Variants in NOL4 observed in about 807,000 individuals in gnomAD.
NOL4 encodes the protein cancer/testis antigen 125.
In NOL4, 17 loss-of-function variants were observed where a neutral mutation model predicts 75.9. That is an observed-to-expected ratio of 0.22 (90% CI 0.15 to 0.34). The LOEUF is 0.34. NOL4 is among the 10% of genes least tolerant of loss of function. The pLI is 1.00. For synonymous variants in NOL4, 292 were observed against 289.9 expected, an observed-to-expected ratio of 1.01 and a Z score of -0.07; for missense variants, 614 against 793.5, an observed-to-expected ratio of 0.77 and a Z score of 2.72.
chr18:34,109,166 A>T (rs988975382), intron 2 of NOL4, among the ~76,000 whole-genome samples: 1 of 152,106 alleles, frequency 6.6e-6, no homozygotes, highest in African/African-American at 2.4e-5. Context: ...AAACTTATGA[A>T]ATACGGCAAA....
At chr18:34,205,443 G>T (rs558912866) in intron 1 of NOL4, among the ~76,000 whole-genome samples, 2 of 152,154 alleles carry the variant, frequency 1.3e-5, no homozygotes, top group African/African-American at 4.8e-5. Flanking sequence ...TCAGCGGGTG[G>T]CATGTATTTT....
chr18:34,000,174 C>T (rs536548851), intron 6 of NOL4, among the ~76,000 whole-genome samples: 31 of 152,232 alleles, frequency 2.0e-4, no homozygotes, highest in Admixed American at 6.5e-4. Flanking sequence ...TCCAATCATT[C>T]GGCATTTATC....
chr18:33,913,137 C>T (rs1480468615), intron 9 of NOL4, among the ~76,000 whole-genome samples: 2 of 152,120 alleles, frequency 1.3e-5, no homozygotes, highest in Non-Finnish European at 2.9e-5. Context: ...AAATACCAGC[C>T]TGTAATGAAA....
chr18:34,199,253 C>G (rs1201795809), intron 1 of NOL4, among the ~76,000 whole-genome samples: 1 of 147,662 alleles, frequency 6.8e-6, no homozygotes, highest in Non-Finnish European at 1.5e-5. Flanking sequence ...TTAGTTCAAA[C>G]TTCATACCTT....
intron 5 of NOL4, among the ~76,000 whole-genome samples, chr18:34,083,116 A>G (rs1275570668): frequency 6.6e-6 from 1 of 152,224 alleles, no homozygotes; most frequent in Non-Finnish European, 1.5e-5. Flanking sequence ...ATATATACAC[A>G]TACCCATACA....
intron 5 of NOL4, among the ~76,000 whole-genome samples, chr18:34,061,625 C>T (rs1034781452): frequency 3.3e-5 from 5 of 152,058 alleles, no homozygotes; most frequent in Non-Finnish European, 5.9e-5. Flanking sequence ...TCAGGAAGGA[C>T]GACCTTGTTG....
chr18:33,862,333 G>A (rs564722307), intron 10 of NOL4, among the ~76,000 whole-genome samples: 1 of 152,190 alleles, frequency 6.6e-6, no homozygotes, highest in Non-Finnish European at 1.5e-5. Flanking sequence ...GAAAACACAG[G>A]CATTACCATT....
chr18:34,007,195 T>C (rs2074084284), intron 6 of NOL4, among the ~76,000 whole-genome samples: 2 of 151,914 alleles, frequency 1.3e-5, no homozygotes, highest in African/African-American at 2.4e-5. Context: ...GCTGGGGTAA[T>C]TGCTCCAGGC....
At chr18:33,966,272 A>G (rs2070579745) in intron 6 of NOL4, among the ~76,000 whole-genome samples, 1 of 152,158 alleles carries the variant, frequency 6.6e-6, no homozygotes, top group South Asian at 2.1e-4. Flanking sequence ...AAATTTTTGA[A>G]AGCTTCTAAA....
chr18:34,127,118 T>C (rs1448473458), intron 2 of NOL4, among the ~76,000 whole-genome samples: 2 of 151,900 alleles, frequency 1.3e-5, no homozygotes, highest in Non-Finnish European at 2.9e-5. Context: ...AAATAATATA[T>C]ATACCCTCCA....
intron 5 of NOL4, among the ~76,000 whole-genome samples, chr18:34,076,679 G>A (rs985856688): frequency 2.6e-5 from 4 of 152,154 alleles, no homozygotes; most frequent in Non-Finnish European, 4.4e-5. Flanking sequence ...ATGCGTCCGA[G>A]TTCAAAGATG....
chr18:34,100,306 T>C (rs2078987267), intron 4 of NOL4, among the ~76,000 whole-genome samples: 1 of 152,126 alleles, frequency 6.6e-6, no homozygotes, highest in Admixed American at 6.5e-5. Context: ...ATTTCTCTGA[T>C]TTTAGAAAAA....
chr18:33,966,454 A>G (rs1339511269), intron 6 of NOL4, among the ~76,000 whole-genome samples: 1 of 152,180 alleles, frequency 6.6e-6, no homozygotes, highest in Non-Finnish European at 1.5e-5. Flanking sequence ...CAGAGCAATC[A>G]GACAAAAGAA....
chr18:33,906,542 A>C (rs1678334549), intron 9 of NOL4, among the ~76,000 whole-genome samples: 1 of 152,208 alleles, frequency 6.6e-6, no homozygotes, highest in Admixed American at 6.5e-5. Context: ...TAGTGTCATA[A>C]CTAGGCCATG....
rs1302131598 is a variant in NOL4 at position 33,956,287 on chromosome 18, C to A, written c.1428+1039G>T. The stretch of plus-strand genomic sequence containing the variant: ...ACTTAACTCATTGGGTTTCTAAAAT[C>A]TAATGAAAATGAAGACAGTATTGAT... On this transcript the variant is annotated intron_variant, in intron 8 of 10. Transcript: ENST00000261592. Among the ~76,000 whole-genome samples, 5 of 152,096 alleles carry A rather than the reference C, an allele frequency of 3.3e-5. No homozygotes were observed. The East Asian group carries it at 9.6e-4, about 29-fold the overall frequency.
intron 10 of NOL4, among the ~76,000 whole-genome samples, chr18:33,863,907 T>G (rs1019504776): frequency 6.6e-6 from 1 of 152,168 alleles, no homozygotes; most frequent in Non-Finnish European, 1.5e-5. Context: ...CTCCAAAATC[T>G]AGGCAGAGGT....
At chr18:34,047,754 C>T (rs565728594) in intron 5 of NOL4, among the ~76,000 whole-genome samples, 1 of 151,966 alleles carries the variant, frequency 6.6e-6, no homozygotes, top group South Asian at 2.1e-4. Flanking sequence ...AAGCACAAAC[C>T]AAAGAGGAAA....
chr18:34,018,672 G>T (rs927571746), intron 6 of NOL4, among the ~76,000 whole-genome samples: 8 of 152,052 alleles, frequency 5.3e-5, no homozygotes, highest in Admixed American at 3.3e-4. Flanking sequence ...TTAAAAAAAA[G>T]TCAGCTGGGA....
intron 9 of NOL4, among the ~76,000 whole-genome samples, chr18:33,912,757 C>A (rs1171165815): frequency 6.6e-6 from 1 of 152,036 alleles, no homozygotes; most frequent in Non-Finnish European, 1.5e-5. Flanking sequence ...TACTTTTATT[C>A]ATGTGACCTA....
Sources: gnomAD v4.1 joint callset for allele counts (sites outside exome capture counted in the v4.1 genomes callset) on GRCh38, gnomAD v4.1.1 for gene constraint, MANE v1.5 for transcripts, NCBI Gene and HGNC (gene_info 2026-07-23, HGNC 2026-07-21) for gene names.